ME3: variants seen among roughly 807,000 people sequenced by gnomAD.
ME3 encodes malic enzyme 3, also known as NADP-dependent malic enzyme, mitochondrial.
ME3 carries 48 observed loss-of-function variants against 68.9 expected under a neutral mutation model. The observed-to-expected ratio is 0.70, with a 90% CI of 0.55 to 0.89. The LOEUF is 0.89. Ranked by LOEUF, ME3 falls within the 40% of genes least tolerant of loss-of-function variation. The pLI, the probability that ME3 is intolerant of heterozygous loss-of-function variation, is 0.00. For synonymous variants in ME3, 320 were observed against 318.8 expected, an observed-to-expected ratio of 1.00 and a Z score of -0.04; for missense variants, 675 against 797.4, an observed-to-expected ratio of 0.85 and a Z score of 1.85.
intron 2 of ME3, among the ~76,000 whole-genome samples, chr11:86,613,775 C>G (rs546928887): frequency 6.6e-6 from 1 of 152,036 alleles, no homozygotes; most frequent in Admixed American, 6.5e-5. Flanking sequence ...TGTGAAGGAC[C>G]TTTTCAAGGA....
chr11:86,611,481 T>C (rs889252923), intron 2 of ME3, among the ~76,000 whole-genome samples: 3 of 152,062 alleles, frequency 2.0e-5, no homozygotes, highest in South Asian at 2.1e-4. Flanking sequence ...GTGATAGATA[T>C]GTTAATTCGC....
exon 13 of ME3, chr11:86,446,416 A>G: frequency 6.2e-7 from 1 of 1,614,224 alleles, no homozygotes; most frequent in Non-Finnish European, 8.5e-7. Context: ...TTCCCTGCCC[A>G]GGAATGAAGG....
intron 7 of ME3, among the ~76,000 whole-genome samples, chr11:86,475,874 T>TATATATAGAGAGAGAGAGAGAGAGAGAG: frequency 3.3e-5 from 3 of 91,472 alleles, no homozygotes; most frequent in East Asian, 2.7e-4. Context: ...TATATATATA[T>TATATATAGAGAGAGAGAGAGAGAGAGAG]AGAGAGAGAG....
chr11:86,656,162 T>C (rs1276616750), intron 2 of ME3, among the ~76,000 whole-genome samples: 1 of 151,256 alleles, frequency 6.6e-6, no homozygotes, highest in Non-Finnish European at 1.5e-5. Flanking sequence ...GACTGTAAAC[T>C]AGTTCAACCA....
chr11:86,548,899 G>C (rs752594969), intron 4 of ME3, among the ~76,000 whole-genome samples: 14 of 152,186 alleles, frequency 9.2e-5, no homozygotes, highest in Non-Finnish European at 1.6e-4. Flanking sequence ...CCTTCCGATG[G>C]TCTCTGTTCA....
At chr11:86,659,232 A>T (rs1946119690) in intron 2 of ME3, among the ~76,000 whole-genome samples, 1 of 152,228 alleles carries the variant, frequency 6.6e-6, no homozygotes, top group South Asian at 2.1e-4. Context: ...TTAATATTAA[A>T]GCACTTCATC....
chr11:86,596,980 A>G (rs951731780), intron 2 of ME3, among the ~76,000 whole-genome samples: 1 of 152,234 alleles, frequency 6.6e-6, no homozygotes, highest in Non-Finnish European at 1.5e-5. Flanking sequence ...GAAGCCTCTG[A>G]CAACAGGCAG....
chr11:86,546,750 C>T lies in ME3; in HGVS notation c.467+9803G>A, dbSNP rs914004487. On this transcript the variant is annotated intron_variant, in intron 4 of 14. Transcript: ENST00000543262. ...AAATTTGTTCAACCATTGTGGAAGA[C>T]AGTGTGGCGATTCCTCGAAGATGTA... Among the ~76,000 whole-genome samples the T allele has an allele frequency of 5.0e-4, 76 of 152,170 alleles. 3 individuals are homozygous for T. The highest frequency in any genetic ancestry group is 1.5e-5 in the Non-Finnish European group (1 of 68,030).
At chr11:86,619,771 G>A (rs1943229200) in intron 2 of ME3, among the ~76,000 whole-genome samples, 2 of 152,286 alleles carry the variant, frequency 1.3e-5, no homozygotes, top group South Asian at 4.2e-4. Context: ...TCAGGTACAT[G>A]AAAACAGACT....
chr11:86,580,063 C>T (rs1958349864), intron 2 of ME3, among the ~76,000 whole-genome samples: 1 of 152,182 alleles, frequency 6.6e-6, no homozygotes, highest in South Asian at 2.1e-4. Context: ...ATTTGAGAAT[C>T]TTTAAAAATA....
chr11:86,590,298 GAGAA>G (rs1213714654), intron 2 of ME3, among the ~76,000 whole-genome samples: 7 of 152,202 alleles, frequency 4.6e-5, no homozygotes, highest in Non-Finnish European at 8.8e-5. Context: ...ATACGGACAT[GAGAA>G]AGAGAGAGTG....
rs990465953 is a variant in ME3 at position 86,660,498 on chromosome 11, C to G, written c.183+11264G>C. 5.3e-5 allele frequency among the ~76,000 whole-genome samples: 8 copies of G among 152,296 alleles called. No individual in the cohort carries two copies. The East Asian group carries it at 1.3e-3, about 26-fold the overall frequency. The stretch of plus-strand genomic sequence containing the variant: ...GTTTTATTGTCATCCCTTTCACAGA[C>G]AAGGAAATGGAGGTTCAGAGAAATA... On this transcript the variant is annotated intron_variant, in intron 2 of 14. Coordinates refer to ENST00000543262, the Ensembl canonical transcript of ME3.
intron 8 of ME3, among the ~76,000 whole-genome samples, chr11:86,461,536 A>T (rs1197814001): frequency 6.6e-6 from 1 of 152,198 alleles, no homozygotes; most frequent in Non-Finnish European, 1.5e-5. Context: ...TTGAGCTGTG[A>T]TGCAGGCCCC....
chr11:86,532,183 A>G (rs768763894), intron 4 of ME3, among the ~76,000 whole-genome samples: 42 of 152,182 alleles, frequency 2.8e-4, no homozygotes, highest in African/African-American at 8.4e-4. Context: ...TGTAACTTCT[A>G]TAAATATATT....
intron 2 of ME3, among the ~76,000 whole-genome samples, chr11:86,631,331 C>T (rs1944000433): frequency 6.6e-6 from 1 of 152,106 alleles, no homozygotes; most frequent in Non-Finnish European, 1.5e-5. Context: ...TGAGATGTAG[C>T]TCATTAGGAG....
intron 2 of ME3, among the ~76,000 whole-genome samples, chr11:86,627,953 G>A (rs992108820): frequency 1.3e-5 from 2 of 152,186 alleles, no homozygotes; most frequent in Admixed American, 6.5e-5. Context: ...TTTCCAGGAT[G>A]TCTATGCTTC....
At chr11:86,660,112 G>T (rs1946180904) in intron 2 of ME3, among the ~76,000 whole-genome samples, 1 of 152,102 alleles carries the variant, frequency 6.6e-6, no homozygotes, top group Non-Finnish European at 1.5e-5. Context: ...GATTATCCAG[G>T]CTTAAGCTCT....
At chr11:86,522,351 CTA>C (rs764974009) in intron 4 of ME3, among the ~76,000 whole-genome samples, 2 of 149,526 alleles carry the variant, frequency 1.3e-5, no homozygotes, top group East Asian at 3.9e-4. Flanking sequence ...AGTGTAATGA[CTA>C]TTTTTTTCTT....
intron 2 of ME3, among the ~76,000 whole-genome samples, chr11:86,568,428 T>C (rs1445411658): frequency 6.6e-6 from 1 of 152,250 alleles, no homozygotes; most frequent in Non-Finnish European, 1.5e-5. Context: ...TCAGTGCTTA[T>C]GCCGAACCAT....
Sources: allele counts gnomAD v4.1 joint callset (sites outside exome capture counted in the v4.1 genomes callset), GRCh38; gene constraint gnomAD v4.1.1; transcripts MANE v1.5; gene names NCBI Gene and HGNC (gene_info 2026-07-23, HGNC 2026-07-21).